CNTNAP2: variants seen among roughly 807,000 people sequenced by gnomAD.
CNTNAP2 encodes the protein contactin associated protein 2.
Under a neutral mutation model 155.2 loss-of-function variants are expected in CNTNAP2, and 98 were observed. The ratio of observed to expected loss-of-function variants is 0.63; its 90% CI spans 0.54 to 0.75. The LOEUF (loss-of-function observed/expected upper bound fraction) is 0.75. Among genes scored for constraint, CNTNAP2 ranks in the 30% least tolerant of loss-of-function variants. The pLI, the probability that CNTNAP2 is intolerant of heterozygous loss-of-function variation, is 0.00. For missense variants in CNTNAP2, 1,727 were observed against 1,688.1 expected, an observed-to-expected ratio of 1.02 and a Z score of -0.40; for synonymous variants, 651 against 631.2, an observed-to-expected ratio of 1.03 and a Z score of -0.47.
At chr7:146,439,935 C>T (rs536337960) in intron 1 of CNTNAP2, among the ~76,000 whole-genome samples, 21 of 151,550 alleles carry the variant, frequency 1.4e-4, no homozygotes, top group Admixed American at 9.2e-4. Flanking sequence ...ACCAGCCTGG[C>T]CAACATTGTG....
intron 13 of CNTNAP2, among the ~76,000 whole-genome samples, chr7:147,737,404 C>A (rs1024641891): frequency 6.6e-6 from 1 of 152,064 alleles, no homozygotes; most frequent in South Asian, 2.1e-4. Context: ...AGAGGGGTAC[C>A]CGGCCGGGTG....
intron 3 of CNTNAP2, among the ~76,000 whole-genome samples, chr7:147,025,629 G>A (rs977594402): frequency 3.3e-5 from 5 of 151,766 alleles, no homozygotes; most frequent in Non-Finnish European, 7.4e-5. Flanking sequence ...TTTGGGCAGG[G>A]ATACATATCC....
At chr7:147,542,218 T>TAC (rs1799652660) in intron 11 of CNTNAP2, among the ~76,000 whole-genome samples, 1 of 151,442 alleles carries the variant, frequency 6.6e-6, no homozygotes, top group African/African-American at 2.4e-5. Context: ...ACCACACACT[T>TAC]CACCATTTAA....
intron 8 of CNTNAP2, among the ~76,000 whole-genome samples, chr7:147,141,336 G>T (rs1311452316): frequency 6.6e-6 from 1 of 152,046 alleles, no homozygotes; most frequent in Non-Finnish European, 1.5e-5. Flanking sequence ...TTGCCTAAAA[G>T]AATGTTTATC....
intron 13 of CNTNAP2, among the ~76,000 whole-genome samples, chr7:147,864,389 T>C (rs1040258352): frequency 8.5e-5 from 13 of 152,130 alleles, no homozygotes; most frequent in African/African-American, 3.1e-4. Flanking sequence ...TCTTTTGGCT[T>C]AGGATTTTCT....
rs559460070 is a variant in CNTNAP2, at chr7:147,487,538, G to A, written c.1777+1497G>A. ...TATAAATACCATATTTAATTACACGGGATCTTGTTCCTGAAATACGATAAT... is the reference window on the plus strand; with the variant it reads ...TATAAATACCATATTTAATTACACGAGATCTTGTTCCTGAAATACGATAAT... On this transcript the variant is annotated intron_variant, in intron 11 of 23. Transcript: ENST00000361727. 7.2e-5 allele frequency among the ~76,000 whole-genome samples: 11 copies of A among 152,230 alleles called. No homozygotes were observed. The East Asian group carries it at 1.5e-3, about 21-fold the overall frequency.
chr7:147,625,882 C>T (rs551158037), intron 12 of CNTNAP2, among the ~76,000 whole-genome samples: 3 of 152,078 alleles, frequency 2.0e-5, no homozygotes, highest in African/African-American at 4.8e-5. Context: ...TACTGGGGGA[C>T]CTGAAAATCC....
intron 19 of CNTNAP2, among the ~76,000 whole-genome samples, chr7:148,219,787 G>A (rs1174755233): frequency 1.3e-5 from 2 of 152,188 alleles, no homozygotes; most frequent in South Asian, 2.1e-4. Flanking sequence ...GAAGTGCAAG[G>A]CTGCAGTGAG....
intron 1 of CNTNAP2, among the ~76,000 whole-genome samples, chr7:146,467,312 G>A (rs906582345): frequency 6.6e-6 from 1 of 152,068 alleles, no homozygotes; most frequent in East Asian, 1.9e-4. Flanking sequence ...ATTTGTGATG[G>A]AGTCGTTGAC....
At chr7:147,451,315 A>G (rs1335266125) in intron 10 of CNTNAP2, among the ~76,000 whole-genome samples, 1 of 152,200 alleles carries the variant, frequency 6.6e-6, no homozygotes, top group African/African-American at 2.4e-5. Flanking sequence ...GAATTTCTTG[A>G]GTAAAAGAAC....
intron 9 of CNTNAP2, among the ~76,000 whole-genome samples, chr7:147,313,792 C>A (rs2116802119): frequency 6.6e-6 from 1 of 152,070 alleles, no homozygotes; most frequent in East Asian, 1.9e-4. Flanking sequence ...TTTTCCCATT[C>A]TGTGAAGAAA....
intron 13 of CNTNAP2, among the ~76,000 whole-genome samples, chr7:147,852,868 CT>C (rs1798973581): frequency 6.6e-6 from 1 of 152,170 alleles, no homozygotes; most frequent in African/African-American, 2.4e-5. Flanking sequence ...TTTTGTAAGA[CT>C]ATGGATCTGC....
At chr7:147,400,551 C>T (rs1796895215) in intron 10 of CNTNAP2, among the ~76,000 whole-genome samples, 1 of 152,014 alleles carries the variant, frequency 6.6e-6, no homozygotes. Context: ...ATAGTGAAGT[C>T]CATTTTGCAA....
intron 11 of CNTNAP2, among the ~76,000 whole-genome samples, chr7:147,552,679 C>T (rs971084113): frequency 1.3e-5 from 2 of 152,014 alleles, no homozygotes; most frequent in Non-Finnish European, 2.9e-5. Flanking sequence ...TCACTTTTCT[C>T]CACACTGTCC....
chr7:147,466,287 C>T (rs1275704447), intron 10 of CNTNAP2, among the ~76,000 whole-genome samples: 4 of 152,188 alleles, frequency 2.6e-5, no homozygotes, highest in Non-Finnish European at 5.9e-5. Flanking sequence ...TGGAAGGACC[C>T]TCTCTGGAAT....
chr7:146,231,431 T>A (rs189762044), intron 1 of CNTNAP2, among the ~76,000 whole-genome samples: 2 of 152,328 alleles, frequency 1.3e-5, no homozygotes, highest in East Asian at 3.9e-4. Flanking sequence ...CTTTGTTTAA[T>A]GTTCATCATC....
At chr7:146,525,907 C>A (rs913043106) in intron 1 of CNTNAP2, among the ~76,000 whole-genome samples, 1 of 152,122 alleles carries the variant, frequency 6.6e-6, no homozygotes, top group Non-Finnish European at 1.5e-5. Flanking sequence ...AGTCCCCATG[C>A]TGTATCTGCT....
intron 1 of CNTNAP2, among the ~76,000 whole-genome samples, chr7:146,618,930 C>T (rs1055454562): frequency 6.6e-6 from 1 of 151,636 alleles, no homozygotes; most frequent in Middle Eastern, 3.2e-3. Context: ...ATTAGCCGGG[C>T]GTGGTGGTGG....
chr7:147,067,828 C>G (rs545216309), intron 4 of CNTNAP2, among the ~76,000 whole-genome samples: 1 of 152,208 alleles, frequency 6.6e-6, no homozygotes, highest in Non-Finnish European at 1.5e-5. Flanking sequence ...CCTCTCGATT[C>G]GCATTCGGTT....
Sources: gnomAD v4.1 joint callset for allele counts (sites outside exome capture counted in the v4.1 genomes callset) on GRCh38, gnomAD v4.1.1 for gene constraint, MANE v1.5 for transcripts, NCBI Gene and HGNC (gene_info 2026-07-23, HGNC 2026-07-21) for gene names.